C1orf141: variants seen among roughly 807,000 people sequenced by gnomAD.
C1orf141 encodes uncharacterized protein C1orf141.
In C1orf141, 19 loss-of-function variants were observed where a neutral mutation model predicts 23.2. The ratio of observed to expected loss-of-function variants is 0.82; its 90% CI spans 0.57 to 1.20. The LOEUF (loss-of-function observed/expected upper bound fraction) is 1.20. Ranked by LOEUF, C1orf141 falls within the 50% of genes most tolerant of loss-of-function variation. The probability of loss-of-function intolerance (pLI) is 0.00; values close to 1 mark genes in which losing one functional copy is unlikely to be tolerated. For missense variants in C1orf141, 469 were observed against 455.1 expected (o/e 1.03, Z -0.28); for synonymous variants, 153 against 154.6 (o/e 0.99, Z 0.08).
At chr1:67,130,489 T>C (rs776136970) in intron 2 of C1orf141, among the ~76,000 whole-genome samples, 9 of 152,174 alleles carry the variant, frequency 5.9e-5, no homozygotes, top group Non-Finnish European at 1.2e-4. Flanking sequence ...CAACACCACA[T>C]AGGACATTTT....
intron 2 of C1orf141, among the ~76,000 whole-genome samples, chr1:67,129,679 C>G (rs953671086): frequency 6.6e-6 from 1 of 152,160 alleles, no homozygotes; most frequent in African/African-American, 2.4e-5. Flanking sequence ...CAGAACATCG[C>G]TCCAAAAATG....
intron 7 of C1orf141, chr1:67,094,401 T>C (rs1367553973): frequency 6.6e-6 from 1 of 152,258 alleles, no homozygotes; most frequent in Non-Finnish European, 1.5e-5. Context: ...GAACCATGTT[T>C]ATCAGCTTCT....
At position 67,093,624 on chromosome 1, in the gene C1orf141, ATAAT is replaced by A; in HGVS notation, c.604-24_604-21del. The A allele has an allele frequency of 6.7e-7, 1 of 1,503,294 alleles. No homozygotes were observed. The highest frequency in any genetic ancestry group is 8.9e-7 in the Non-Finnish European group (1 of 1,125,822). 93.1% of individuals were successfully genotyped at this position (1,503,294 alleles called of 1,614,324 possible). A position where few individuals can be genotyped will look rare whatever the true frequency, so the allele number is the denominator to read the frequency against. On this transcript the variant is annotated intron_variant, in intron 7 of 7. Transcript: ENST00000684719. ...TTGTTCCTGTAGATTAAAGAAAAGA[ATAAT>A]TAGTCATAAGTTCATTGAGTCAAGA...
At chr1:67,133,139 AAAC>A (rs994255285) in intron 1 of C1orf141, among the ~76,000 whole-genome samples, 2 of 152,176 alleles carry the variant, frequency 1.3e-5, no homozygotes, top group African/African-American at 4.8e-5. Context: ...AAAAACAAAC[AAAC>A]AAAAAATAAC....
intron 4 of C1orf141, among the ~76,000 whole-genome samples, chr1:67,121,414 A>G (rs1452012909): frequency 6.6e-6 from 1 of 152,170 alleles, no homozygotes; most frequent in African/African-American, 2.4e-5. Flanking sequence ...CTTGATTTGT[A>G]GTGTTTGCCA....
Position 67,093,608 on chromosome 1 carries a change from T to C in C1orf141, c.604-4A>G. ...TGGGATTTGTGTCCTTTTGTTCCTG[T>C]AGATTAAAGAAAAGAATAATTAGTC... On this transcript the variant is annotated splice_region_variant and splice_polypyrimidine_tract_variant and intron_variant, in intron 7 of 7. Coordinates refer to ENST00000684719, the MANE Select transcript of C1orf141 (RefSeq NM_001276351.2). 6.5e-7 allele frequency: 1 copy of C among 1,528,354 alleles called. No individual in the cohort carries two copies. Among genetic ancestry groups the C allele is most frequent in the Non-Finnish European group, 8.8e-7 (1 of 1,140,214 alleles). The allele number at this position is 1,528,354 out of a possible 1,614,324, so 94.7% of individuals were successfully genotyped here.
At chr1:67,106,510 T>A (rs988213211) in intron 5 of C1orf141, among the ~76,000 whole-genome samples, 1 of 151,508 alleles carries the variant, frequency 6.6e-6, no homozygotes, top group South Asian at 2.1e-4. Flanking sequence ...GAAAAAAAAA[T>A]TAGCTGAGAG....
chr1:67,132,530 A>T (rs1439596454), intron 1 of C1orf141, among the ~76,000 whole-genome samples: 1 of 152,102 alleles, frequency 6.6e-6, no homozygotes, highest in Non-Finnish European at 1.5e-5. Context: ...TCAAAAAAAA[A>T]AAAGAGGTTT....
chr1:67,129,300 A>T (rs1646475938), intron 2 of C1orf141, among the ~76,000 whole-genome samples: 1 of 152,068 alleles, frequency 6.6e-6, no homozygotes, highest in Admixed American at 6.6e-5. Context: ...ATGAAGAAAA[A>T]AAAAAAGTAG....
chr1:67,110,425 C>T (rs1646043070), intron 5 of C1orf141, among the ~76,000 whole-genome samples: 2 of 152,030 alleles, frequency 1.3e-5, no homozygotes, highest in South Asian at 4.1e-4. Context: ...TTGATTTTCA[C>T]TAGATAATGT....
chr1:67,127,244 C>T lies in C1orf141; in HGVS notation c.-4G>A, dbSNP rs1468642216. On this transcript the variant is annotated 5_prime_UTR_variant, in exon 3 of 8. Transcript: ENST00000684719. Reference sequence around the variant, plus strand: ...TCTCTAGGATTTTTTCTGCCATTGTCAATCACTAAATTCCTATTTTAAAAT... The same window carrying T: ...TCTCTAGGATTTTTTCTGCCATTGTTAATCACTAAATTCCTATTTTAAAAT... The T allele has an allele frequency of 6.3e-7, 1 of 1,584,678 alleles. No individual in the cohort carries two copies.
At chr1:67,105,918 G>A (rs1392158576) in intron 5 of C1orf141, among the ~76,000 whole-genome samples, 1 of 152,172 alleles carries the variant, frequency 6.6e-6, no homozygotes, top group African/African-American at 2.4e-5. Flanking sequence ...GCTGGAAAGT[G>A]AGAAAGGAAT....
At chr1:67,108,801 T>C (rs1230274750) in intron 5 of C1orf141, among the ~76,000 whole-genome samples, 1 of 152,078 alleles carries the variant, frequency 6.6e-6, no homozygotes, top group Non-Finnish European at 1.5e-5. Context: ...AATAGATAAT[T>C]TTCAAAATAA....
intron 5 of C1orf141, among the ~76,000 whole-genome samples, chr1:67,103,750 C>T (rs2102434903): frequency 6.6e-6 from 1 of 152,168 alleles, no homozygotes; most frequent in South Asian, 2.1e-4. Context: ...TCTGTTTTGA[C>T]AAACTATTAC....
rs201399021 is a variant in C1orf141 at position 67,095,294 on chromosome 1, T to C, written c.544A>G (p.Lys182Glu). ...LLPLCFEDEL[K>E]NPHAKIVNVS... is the part of the protein sequence containing the mutation. ...TTGACTATCTTGGCATGTGGATTTT[T>C]CAATTCATCCTCAAAGCACAACGGG... The change falls in exon 7 of 8, where the codon AAA becomes GAA. Residue 182 changes from lysine (K) to glutamate (E), a missense_variant. Transcript: ENST00000684719. The C allele has an allele frequency of 1.2e-6, 2 of 1,608,242 alleles. No homozygotes were observed. Among genetic ancestry groups the C allele is most frequent in the Non-Finnish European group, 1.7e-6 (2 of 1,176,370 alleles).
chr1:67,095,196 T>C (rs776992638), intron 7 of C1orf141, 39 bp downstream of exon 7: 1 of 1,169,954 alleles, frequency 8.5e-7, no homozygotes. Flanking sequence ...GTCTTATGAC[T>C]ACACATATTT....
chr1:67,127,944 A>G (rs1002178656), intron 2 of C1orf141, among the ~76,000 whole-genome samples: 1 of 152,076 alleles, frequency 6.6e-6, no homozygotes, highest in African/African-American at 2.4e-5. Flanking sequence ...CAGGAGTAGG[A>G]CTTTGGACAT....
At chr1:67,127,714 A>G (rs2102498129) in intron 2 of C1orf141, among the ~76,000 whole-genome samples, 1 of 152,230 alleles carries the variant, frequency 6.6e-6, no homozygotes, top group South Asian at 2.1e-4. Flanking sequence ...GGCTCACTGC[A>G]ACCTCCACCT....
chr1:67,124,830 GGTGCACAGTA>G lies in C1orf141; in HGVS notation c.233+912_233+921del, dbSNP rs529926875. Reference sequence around the variant, plus strand: ...TGTGAGCTTTTGGGCTTGGCAACTGGGTGCACAGTAGTGCTTTGTACTTAGGCACAGAACA... The same window carrying G: ...TGTGAGCTTTTGGGCTTGGCAACTGGGTGCTTTGTACTTAGGCACAGAACA... On this transcript the variant is annotated intron_variant, in intron 4 of 7. Coordinates refer to ENST00000684719, the MANE Select transcript of C1orf141 (RefSeq NM_001276351.2). 2.4e-3 allele frequency among the ~76,000 whole-genome samples: 366 copies of G among 152,254 alleles called. 1 individual carries two copies. The highest frequency in any genetic ancestry group is 4.5e-3 in the Non-Finnish European group (306 of 68,024).
Sources: allele counts gnomAD v4.1 joint callset (sites outside exome capture counted in the v4.1 genomes callset), GRCh38; gene constraint gnomAD v4.1.1; transcripts MANE v1.5; gene names NCBI Gene and HGNC (gene_info 2026-07-23, HGNC 2026-07-21).